CDH6: variants seen among roughly 807,000 people sequenced by gnomAD.
CDH6 encodes the protein cadherin 6.
Under a neutral mutation model 78.0 loss-of-function variants are expected in CDH6, and 31 were observed. The ratio of observed to expected loss-of-function variants is 0.40; its 90% CI spans 0.30 to 0.54. The LOEUF is 0.54. CDH6 is among the 20% of genes least tolerant of loss of function. The pLI, the probability that CDH6 is intolerant of heterozygous loss-of-function variation, is 0.56. For missense variants in CDH6, 724 were observed against 975.9 expected, an observed-to-expected ratio of 0.74 and a Z score of 3.44; for synonymous variants, 376 against 368.8, an observed-to-expected ratio of 1.02 and a Z score of -0.23.
intron 11 of CDH6, chr5:31,318,743 T>A: frequency 4.4e-6 from 1 of 226,514 alleles, no homozygotes; most frequent in Non-Finnish European, 8.8e-6. Flanking sequence ...GCCTATATAG[T>A]GAAAAGAAAA....
chr5:31,316,534 C>G (rs1401179934), intron 9 of CDH6, among the ~76,000 whole-genome samples: 1 of 152,216 alleles, frequency 6.6e-6, no homozygotes, highest in African/African-American at 2.4e-5. Flanking sequence ...AAGACTGAGG[C>G]TGATTCCAAA....
rs1431025081 is a variant in CDH6, at chr5:31,302,755, A to AGG, written c.999+457_999+458insGG. On this transcript the variant is annotated intron_variant, in intron 6 of 11. Coordinates refer to ENST00000265071, the MANE Select transcript of CDH6 (RefSeq NM_004932.4). ...AGAAGGAAGGAAGGAAGGAAGGAGAAAGAAAGAAAGAAAGAAAGAAGAAAG... is the reference window on the plus strand; with the variant it reads ...AGAAGGAAGGAAGGAAGGAAGGAGAAGGAGAAAGAAAGAAAGAAAGAAGAAAG... Among the ~76,000 whole-genome samples the AGG allele has an allele frequency of 2.8e-3, 58 of 20,652 alleles. 1 individual carries two copies. Among genetic ancestry groups the AGG allele is most frequent in the Admixed American group, 0.024 (16 of 666 alleles). 13.5% of individuals were successfully genotyped at this position (20,652 alleles called of 152,430 possible).
intron 1 of CDH6, among the ~76,000 whole-genome samples, chr5:31,240,714 C>T (rs757941867): frequency 5.9e-5 from 9 of 152,164 alleles, no homozygotes; most frequent in Non-Finnish European, 1.0e-4. Flanking sequence ...GGATTCATTC[C>T]GATTATCCTC....
chr5:31,195,554 G>T (rs1740141755), intron 1 of CDH6, among the ~76,000 whole-genome samples: 2 of 152,128 alleles, frequency 1.3e-5, no homozygotes, highest in Non-Finnish European at 2.9e-5. Context: ...AATAGTACTT[G>T]CACGGCTCTA....
intron 10 of CDH6, 47 bp from the exon 11 acceptor site, chr5:31,317,626 A>T (rs759365335): frequency 6.3e-7 from 1 of 1,586,278 alleles, no homozygotes; most frequent in African/African-American, 1.3e-5. Flanking sequence ...GATTTAATAC[A>T]TGACGCAGTA....
intron 11 of CDH6, 55 bp from the exon 12 acceptor site, chr5:31,322,763 A>G: frequency 6.4e-7 from 1 of 1,555,896 alleles, no homozygotes. Flanking sequence ...TCCTGACATT[A>G]ATTGGGCAGC....
At chr5:31,273,930 CT>C (rs1030764895) in intron 2 of CDH6, among the ~76,000 whole-genome samples, 24 of 152,104 alleles carry the variant, frequency 1.6e-4, no homozygotes, top group African/African-American at 5.8e-4. Flanking sequence ...GCGTCTTTTT[CT>C]TTCCCTTGAT....
In CDH6 at chr5:31,326,645, T is replaced by G. The variant is rs900849195; in HGVS notation, c.*3337T>G. 5.5e-6 allele frequency: 1 copy of G among 180,208 alleles called. No individual in the cohort carries two copies. The highest frequency in any genetic ancestry group is 2.4e-5 in the African/African-American group (1 of 42,310). 11.2% of individuals were successfully genotyped at this position (180,208 alleles called of 1,614,324 possible). On this transcript the variant is annotated 3_prime_UTR_variant, in exon 12 of 12. Coordinates refer to ENST00000265071, the MANE Select transcript of CDH6 (RefSeq NM_004932.4). ...AAAAAACGTGTGGTTTAGTTTTTAT[T>G]TTCAGCTCCCAAAGAGTTGTGCAGA...
intron 2 of CDH6, among the ~76,000 whole-genome samples, chr5:31,274,444 C>T (rs903402348): frequency 6.6e-6 from 1 of 152,216 alleles, no homozygotes; most frequent in Non-Finnish European, 1.5e-5. Context: ...TCACAAGGAA[C>T]CGATCCCAGA....
At chr5:31,214,845 A>G (rs998701024) in intron 1 of CDH6, among the ~76,000 whole-genome samples, 2 of 152,194 alleles carry the variant, frequency 1.3e-5, no homozygotes, top group Admixed American at 1.3e-4. Flanking sequence ...TTCACAATTC[A>G]TATCAGTTCA....
At chr5:31,284,747 C>T (rs1389131233) in intron 2 of CDH6, among the ~76,000 whole-genome samples, 1 of 152,224 alleles carries the variant, frequency 6.6e-6, no homozygotes, top group Non-Finnish European at 1.5e-5. Context: ...TCTGCCAGAA[C>T]CACAGATGCC....
chr5:31,296,279 C>T (rs867318538), intron 3 of CDH6, among the ~76,000 whole-genome samples: 31 of 152,076 alleles, frequency 2.0e-4, no homozygotes, highest in African/African-American at 6.0e-4. Flanking sequence ...GACTCTTATC[C>T]TTTCGGGAAG....
At chr5:31,321,744 T>C (rs1738482854) in intron 11 of CDH6, among the ~76,000 whole-genome samples, 1 of 152,198 alleles carries the variant, frequency 6.6e-6, no homozygotes, top group African/African-American at 2.4e-5. Flanking sequence ...TTTTCATGTC[T>C]CATAAAAATT....
chr5:31,254,681 C>T (rs967266174), intron 1 of CDH6, among the ~76,000 whole-genome samples: 5 of 152,180 alleles, frequency 3.3e-5, no homozygotes, highest in Admixed American at 1.3e-4. Flanking sequence ...AAATAATTTT[C>T]TTAATAATGA....
intron 1 of CDH6, among the ~76,000 whole-genome samples, chr5:31,240,734 C>G (rs982473471): frequency 6.6e-6 from 1 of 152,220 alleles, no homozygotes; most frequent in African/African-American, 2.4e-5. Context: ...CCATGCTCAT[C>G]TGGCAGCGCA....
At chr5:31,320,785 C>T (rs1738459138) in intron 11 of CDH6, among the ~76,000 whole-genome samples, 4 of 152,086 alleles carry the variant, frequency 2.6e-5, no homozygotes, top group Admixed American at 2.6e-4. Flanking sequence ...CGAGACGAGC[C>T]TAATCCAACA....
chr5:31,286,626 C>A (rs79683037), intron 2 of CDH6, among the ~76,000 whole-genome samples: 25 of 151,922 alleles, frequency 1.6e-4, no homozygotes, highest in Non-Finnish European at 2.9e-4. Context: ...GGAGGCCATG[C>A]GAAGGGGTGG....
intron 3 of CDH6, among the ~76,000 whole-genome samples, chr5:31,296,108 T>A (rs1335615143): frequency 6.6e-6 from 1 of 152,160 alleles, no homozygotes; most frequent in Non-Finnish European, 1.5e-5. Context: ...ATTTCTTCAA[T>A]AAGTGAAATT....
chr5:31,274,677 G>A (rs568954912), intron 2 of CDH6, among the ~76,000 whole-genome samples: 2 of 152,278 alleles, frequency 1.3e-5, no homozygotes, highest in South Asian at 2.1e-4. Flanking sequence ...AAAATTAGAC[G>A]GGCGTGGTAG....
Sources: gnomAD v4.1 joint callset for allele counts (sites outside exome capture counted in the v4.1 genomes callset) on GRCh38, gnomAD v4.1.1 for gene constraint, MANE v1.5 for transcripts, NCBI Gene and HGNC (gene_info 2026-07-23, HGNC 2026-07-21) for gene names.